The following STRN4 variants were observed in gnomAD, a reference collection of about 807,000 sequenced individuals.
STRN4 encodes the protein striatin 4.
A neutral mutation model predicts 77.9 loss-of-function variants in STRN4; 27 were observed. The ratio of observed to expected loss-of-function variants is 0.35; its 90% CI spans 0.26 to 0.48. The LOEUF (loss-of-function observed/expected upper bound fraction) is 0.48, where lower values mean the gene tolerates loss of function less well. Ranked by LOEUF, STRN4 falls within the 20% of genes least tolerant of loss-of-function variation. The probability of loss-of-function intolerance (pLI) is 0.99; values close to 1 mark genes in which losing one functional copy is unlikely to be tolerated. For synonymous variants in STRN4, 466 were observed against 443.1 expected, an observed-to-expected ratio of 1.05 and a Z score of -0.65; for missense variants, 798 against 1,049.7, an observed-to-expected ratio of 0.76 and a Z score of 3.31.
chr19:46,744,435 G>A (rs956455622), intron 1 of STRN4, among the ~76,000 whole-genome samples: 5 of 152,148 alleles, frequency 3.3e-5, no homozygotes, highest in Non-Finnish European at 7.4e-5. Flanking sequence ...CCAGGCTGGA[G>A]TGCAGTGGTG....
intron 1 of STRN4, among the ~76,000 whole-genome samples, chr19:46,745,402 A>C (rs1222195249): frequency 6.6e-6 from 1 of 151,980 alleles, no homozygotes; most frequent in Non-Finnish European, 1.5e-5. Context: ...GGATCCCCAA[A>C]GTTTCTCCTC....
intron 13 of STRN4, 21 bp from the exon 14 acceptor site, chr19:46,722,971 A>C (rs1178926362): frequency 3.1e-6 from 5 of 1,613,102 alleles, no homozygotes; most frequent in Non-Finnish European, 4.2e-6. Context: ...AGGGAAGAGA[A>C]GGCTGCTGAA....
rs1487883583 is a variant in STRN4 at position 46,720,558 on chromosome 19, T to C, written c.*44A>G. 6.6e-7 allele frequency: 1 copy of C among 1,508,620 alleles called. No homozygotes were observed. Among genetic ancestry groups the C allele is most frequent in the South Asian group, 1.3e-5 (1 of 74,886 alleles). The allele number at this position is 1,508,620 out of a possible 1,614,324, so 93.5% of individuals were successfully genotyped here. A position where few individuals can be genotyped will look rare whatever the true frequency, so the allele number is the denominator to read the frequency against. Reference sequence around the variant, plus strand: ...CACCTCAGCCCCACCTGCCCGGCCCTACACCCCAGCCAGCGTGGCGGCCAG... The same window carrying C: ...CACCTCAGCCCCACCTGCCCGGCCCCACACCCCAGCCAGCGTGGCGGCCAG... On this transcript the variant is annotated 3_prime_UTR_variant, in exon 17 of 18. Transcript: ENST00000263280.
intron 3 of STRN4, among the ~76,000 whole-genome samples, chr19:46,737,112 GT>G (rs1472689144): frequency 6.6e-6 from 1 of 152,116 alleles, no homozygotes; most frequent in Admixed American, 6.6e-5. Flanking sequence ...CTGACTGGTG[GT>G]TCCCCAAACT....
chr19:46,735,829 T>C (rs957781487), intron 4 of STRN4, among the ~76,000 whole-genome samples: 1 of 150,496 alleles, frequency 6.6e-6, no homozygotes, highest in Admixed American at 6.6e-5. Context: ...CTAGGCATGG[T>C]GGTGCACGCC....
intron 8 of STRN4, 49 bp from the exon 9 acceptor site, chr19:46,727,595 G>A (rs2054148075): frequency 2.0e-6 from 3 of 1,492,468 alleles, no homozygotes; most frequent in Non-Finnish European, 2.8e-6. Context: ...GGGAGGGGCA[G>A]AGAGGGCCAG....
chr19:46,745,304 C>T (rs1164298275), intron 1 of STRN4, among the ~76,000 whole-genome samples: 1 of 152,158 alleles, frequency 6.6e-6, no homozygotes, highest in East Asian at 1.9e-4. Flanking sequence ...TAAGCTCTCC[C>T]ATCCAGGCTC....
intron 3 of STRN4, among the ~76,000 whole-genome samples, chr19:46,737,508 TGCCTCG>T (rs1403770175): frequency 2.0e-5 from 3 of 152,064 alleles, no homozygotes; most frequent in African/African-American, 7.2e-5. Context: ...CTTCTCAGCT[TGCCTCG>T]GCCAAGCTTC....
intron 1 of STRN4, among the ~76,000 whole-genome samples, chr19:46,742,119 G>A (rs900481223): frequency 6.6e-6 from 1 of 152,142 alleles, no homozygotes; most frequent in Non-Finnish European, 1.5e-5. Context: ...ACAGCTCTGC[G>A]GTCCCCTGCA....
chr19:46,720,323 C>A lies in STRN4; in HGVS notation c.*82G>T. 3.0e-6 allele frequency: 1 copy of A among 330,562 alleles called. No individual in the cohort carries two copies. Among genetic ancestry groups the A allele is most frequent in the Non-Finnish European group, 5.5e-6 (1 of 182,116 alleles). 20.5% of individuals were successfully genotyped at this position (330,562 alleles called of 1,614,324 possible). On this transcript the variant is annotated 3_prime_UTR_variant, in exon 18 of 18. Coordinates refer to ENST00000263280, the MANE Select transcript of STRN4 (RefSeq NM_013403.3). ...AGAGGCCAGGCCTCTGCACCTCCAG[C>A]GAGGCTGGGAGTCCCCTGCGGGAAA...
At chr19:46,742,207 T>C (rs1402228199) in intron 1 of STRN4, among the ~76,000 whole-genome samples, 3 of 152,150 alleles carry the variant, frequency 2.0e-5, no homozygotes, top group Non-Finnish European at 2.9e-5. Flanking sequence ...ATCCCCCACC[T>C]AGCAAATGCC....
chr19:46,730,613 G>A (rs2054225935), intron 6 of STRN4, 119 bp downstream of exon 6: 1 of 1,456,996 alleles, frequency 6.9e-7, no homozygotes, highest in African/African-American at 1.4e-5. Context: ...GGGCCTGTGT[G>A]TCTCCATATC....
chr19:46,726,783 A>G (rs1011019691), intron 9 of STRN4, among the ~76,000 whole-genome samples: 2 of 152,100 alleles, frequency 1.3e-5, no homozygotes, highest in Admixed American at 1.3e-4. Flanking sequence ...CTTCTGCCAC[A>G]GTTCTTTAGG....
At chr19:46,725,715 C>G in intron 9 of STRN4, 67 bp from the exon 10 acceptor site, 2 of 1,566,382 alleles carry the variant, frequency 1.3e-6, no homozygotes, top group Admixed American at 3.5e-5. Context: ...ACACCGACAC[C>G]CAGGGCTTGA....
rs988091727 is a variant in STRN4, at chr19:46,736,891, G to C, written c.471C>G (p.Gly157=). 5 of 1,612,524 alleles carry C rather than the reference G, an allele frequency of 3.1e-6. No homozygotes were observed. Among genetic ancestry groups the C allele is most frequent in the Non-Finnish European group, 4.2e-6 (5 of 1,179,286 alleles). Residue 157 remains glycine, a synonymous_variant, in exon 4 of 18, where the codon GGC becomes GGG. Coordinates refer to ENST00000263280, the MANE Select transcript of STRN4 (RefSeq NM_013403.3). ...TCTCCAGGGTGACCGATTCCACGGGGCCATTGGAGACTGGCGGGTGAGAGA... is the reference window on the plus strand; with the variant it reads ...TCTCCAGGGTGACCGATTCCACGGGCCCATTGGAGACTGGCGGGTGAGAGA... ...KADVSEQVSN[G]PVESVTLENS... is the part of the protein sequence containing the mutation.
chr19:46,731,751 TTCTC>T (rs2054260887), intron 5 of STRN4: 1 of 152,704 alleles, frequency 6.5e-6, no homozygotes, highest in Non-Finnish European at 1.5e-5. Context: ...CTCAGCCTCT[TTCTC>T]AGCTTCCTCC....
intron 3 of STRN4, among the ~76,000 whole-genome samples, chr19:46,737,709 G>C (rs1466602025): frequency 1.3e-5 from 2 of 152,182 alleles, no homozygotes; most frequent in African/African-American, 2.4e-5. Flanking sequence ...CCAGAGGGTA[G>C]AGACCATGTC....
rs2054467613 is a variant in STRN4, at chr19:46,741,203, C to T, written c.283-2315G>A. ...CACAGATGAGGGCAGTCCCAGAAAT[C>T]CCAGGACAGAACGGTAGTGGCTTGG... is the stretch of plus-strand genomic sequence containing the variant. On this transcript the variant is annotated intron_variant, in intron 1 of 17. Transcript: ENST00000263280. The surrounding 1 kb of genome is among the most constrained non-coding windows in gnomAD (Gnocchi z 4.9). Among the ~76,000 whole-genome samples, 1 of 152,112 alleles carries T rather than the reference C, an allele frequency of 6.6e-6. No homozygotes were observed. The highest frequency in any genetic ancestry group is 1.5e-5 in the Non-Finnish European group (1 of 68,014).
In STRN4 at chr19:46,722,039, T is replaced by A. The variant is rs1469110193; in HGVS notation, c.2039A>T (p.Asp680Val). The stretch of plus-strand genomic sequence containing the variant: ...GTCCACGGCTAGGCAGGTGACTGCG[T>A]CCAGGTGTGCAACCATGGAGTGCAC... ...KPVHSMVAHLDAVTCLAVDPN... is the reference protein window; with the variant it reads ...KPVHSMVAHLVAVTCLAVDPN... Residue 680 changes from aspartate to valine, a missense_variant, in exon 16 of 18, where the codon GAC becomes GTC. Coordinates refer to ENST00000263280, the MANE Select transcript of STRN4 (RefSeq NM_013403.3). The A allele has an allele frequency of 6.2e-7, 1 of 1,613,448 alleles. No homozygotes were observed. Among genetic ancestry groups the A allele is most frequent in the South Asian group, 1.1e-5 (1 of 91,090 alleles).
Sources: gnomAD v4.1 joint callset for allele counts (sites outside exome capture counted in the v4.1 genomes callset) on GRCh38, gnomAD v4.1.1 for gene constraint, Gnocchi (gnomAD v3.1) non-coding constraint, MANE v1.5 for transcripts, NCBI Gene and HGNC (gene_info 2026-07-23, HGNC 2026-07-21) for gene names.